Variants in IL1RAPL1 observed in about 807,000 individuals in gnomAD.
IL1RAPL1 encodes interleukin 1 receptor accessory protein like 1, also known as interleukin-1 receptor accessory protein-like 1.
A neutral mutation model predicts 48.4 loss-of-function variants in IL1RAPL1; 3 were observed. That is an observed-to-expected ratio of 0.06 (90% confidence interval 0.03 to 0.16). IL1RAPL1 has a LOEUF of 0.16. Among genes scored for constraint, IL1RAPL1 ranks in the 10% least tolerant of loss-of-function variants. IL1RAPL1 has a pLI of 1.00. For synonymous variants in IL1RAPL1, 185 were observed against 187.7 expected, an observed-to-expected ratio of 0.99 and a Z score of 0.12; for missense variants, 349 against 530.6, an observed-to-expected ratio of 0.66 and a Z score of 3.36.
intron 1 of IL1RAPL1, among the ~76,000 whole-genome samples, chrX:28,759,653 T>C (rs59375467): frequency 8.9e-6 from 1 of 111,978 alleles, no homozygotes; most frequent in East Asian, 2.8e-4. Context: ...ACATTGGAAA[T>C]ACATAAATAT....
chrX:29,185,374 A>G (rs954201845), intron 2 of IL1RAPL1, among the ~76,000 whole-genome samples: 9 of 111,780 alleles, frequency 8.1e-5, no homozygotes, highest in African/African-American at 2.6e-4. Flanking sequence ...TTATATTGCT[A>G]TATGACTTTG....
chrX:29,933,667 A>G (rs1001244765), intron 8 of IL1RAPL1, among the ~76,000 whole-genome samples: 1 of 110,196 alleles, frequency 9.1e-6, no homozygotes, highest in Non-Finnish European at 1.9e-5. Flanking sequence ...CAAAAAAAAA[A>G]AAAAAAGAGA....
chrX:29,007,421 A>G (rs1926010718), intron 2 of IL1RAPL1, among the ~76,000 whole-genome samples: 1 of 112,293 alleles, frequency 8.9e-6, no homozygotes, highest in South Asian at 3.7e-4. Flanking sequence ...AAGTCAGAAC[A>G]TAATGTGACA....
chrX:29,602,413 T>C (rs990318147), intron 5 of IL1RAPL1, among the ~76,000 whole-genome samples: 1 of 112,060 alleles, frequency 8.9e-6, no homozygotes, highest in Non-Finnish European at 1.9e-5. Flanking sequence ...CTCTTGATTA[T>C]TCTCTTAAAA....
At chrX:29,415,070 T>C (rs1424905903) in intron 5 of IL1RAPL1, among the ~76,000 whole-genome samples, 12 of 111,915 alleles carry the variant, frequency 1.1e-4, no homozygotes, top group Admixed American at 8.6e-4. Context: ...ATAATAAGGA[T>C]CTAGAATCTT....
intron 2 of IL1RAPL1, among the ~76,000 whole-genome samples, chrX:29,186,977 G>A (rs755245921): frequency 3.6e-5 from 4 of 110,590 alleles, no homozygotes; most frequent in East Asian, 2.8e-4. Context: ...GTTGGAGTTG[G>A]GGGGGAGGGA....
chrX:28,897,311 C>T (rs756396790), intron 2 of IL1RAPL1, among the ~76,000 whole-genome samples: 4 of 111,312 alleles, frequency 3.6e-5, no homozygotes, highest in Admixed American at 9.5e-5. Context: ...ACCTCTGAAA[C>T]GTGGGTGAAT....
chrX:29,525,805 A>G (rs1935547262), intron 5 of IL1RAPL1, among the ~76,000 whole-genome samples: 1 of 111,899 alleles, frequency 8.9e-6, no homozygotes, highest in African/African-American at 3.3e-5. Context: ...ATTTGTTTAG[A>G]CAGTTCACTG....
At chrX:28,922,583 T>C (rs887007254) in intron 2 of IL1RAPL1, among the ~76,000 whole-genome samples, 1 of 112,189 alleles carries the variant, frequency 8.9e-6, no homozygotes, top group East Asian at 2.8e-4. Flanking sequence ...TTATACTTCT[T>C]TGACATTTTA....
intron 2 of IL1RAPL1, among the ~76,000 whole-genome samples, chrX:29,247,347 A>G (rs971543613): frequency 3.6e-5 from 4 of 111,681 alleles, no homozygotes; most frequent in Non-Finnish European, 5.6e-5. Context: ...TGTCTCAAGG[A>G]CAAATGATTC....
At chrX:29,055,203 A>G (rs1927184911) in intron 2 of IL1RAPL1, among the ~76,000 whole-genome samples, 2 of 111,219 alleles carry the variant, frequency 1.8e-5, no homozygotes, top group Non-Finnish European at 3.8e-5. Context: ...AATATAATAT[A>G]TATTTCCTTT....
At chrX:28,623,818 A>G (rs1934309676) in intron 1 of IL1RAPL1, among the ~76,000 whole-genome samples, 2 of 110,729 alleles carry the variant, frequency 1.8e-5, no homozygotes, top group African/African-American at 6.6e-5. Flanking sequence ...GAATGATTTT[A>G]TATGTCCTTT....
At chrX:29,766,473 A>G (rs1047075567) in intron 6 of IL1RAPL1, among the ~76,000 whole-genome samples, 15 of 86,942 alleles carry the variant, frequency 1.7e-4, no homozygotes, top group African/African-American at 3.7e-4. Context: ...ATATTTATAT[A>G]TCCAAATATA....
At chrX:29,088,672 C>CAAAAA (rs1182451817) in intron 2 of IL1RAPL1, among the ~76,000 whole-genome samples, 928 of 29,188 alleles carry the variant, frequency 0.032, no homozygotes, top group Non-Finnish European at 0.042. Context: ...CACTCCTTCT[C>CAAAAA]AAAAAAAAAA....
At chrX:29,422,313 GA>G (rs1712558228) in intron 5 of IL1RAPL1, among the ~76,000 whole-genome samples, 1 of 111,284 alleles carries the variant, frequency 9.0e-6, no homozygotes, top group African/African-American at 3.3e-5. Context: ...CCTGGCTTGA[GA>G]GAGTCATTTG....
At chrX:29,861,489 T>C (rs1431875942) in intron 6 of IL1RAPL1, among the ~76,000 whole-genome samples, 1 of 111,415 alleles carries the variant, frequency 9.0e-6, no homozygotes, top group East Asian at 2.8e-4. Context: ...AGGAGGAATA[T>C]ACATCACCCT....
intron 1 of IL1RAPL1, among the ~76,000 whole-genome samples, chrX:28,662,558 G>A (rs1934834708): frequency 9.0e-6 from 1 of 111,392 alleles, no homozygotes; most frequent in Admixed American, 9.6e-5. Flanking sequence ...GACCACTGTG[G>A]AAAATAGTAC....
At chrX:29,801,365 A>C (rs1366926228) in intron 6 of IL1RAPL1, among the ~76,000 whole-genome samples, 1 of 111,585 alleles carries the variant, frequency 9.0e-6, no homozygotes, top group African/African-American at 3.3e-5. Context: ...AACCAGCACA[A>C]GTTGCAAGCA....
chrX:29,045,412 G>T (rs1926933472), intron 2 of IL1RAPL1, among the ~76,000 whole-genome samples: 1 of 112,061 alleles, frequency 8.9e-6, no homozygotes, highest in African/African-American at 3.2e-5. Context: ...CAATTGCCAA[G>T]TAAAAATATT....
Sources: gnomAD v4.1 joint callset for allele counts (sites outside exome capture counted in the v4.1 genomes callset) on GRCh38, gnomAD v4.1.1 for gene constraint, MANE v1.5 for transcripts, NCBI Gene and HGNC (gene_info 2026-07-23, HGNC 2026-07-21) for gene names.